CORO1C: variants seen among roughly 807,000 people sequenced by gnomAD.
CORO1C encodes coronin 1C, also known as coronin-1C.
Under a neutral mutation model 51.2 loss-of-function variants are expected in CORO1C, and 14 were observed. That is an observed-to-expected ratio of 0.27 (90% CI 0.18 to 0.43). The LOEUF (loss-of-function observed/expected upper bound fraction) is 0.43, where lower values mean the gene tolerates loss of function less well. CORO1C is among the 20% of genes least tolerant of loss of function. The pLI is 1.00. For synonymous variants in CORO1C, 181 were observed against 210.5 expected (o/e 0.86, Z 1.21); for missense variants, 417 against 607.8 (o/e 0.69, Z 3.30).
intron 1 of CORO1C, among the ~76,000 whole-genome samples, chr12:108,711,278 G>C (rs1156507127): frequency 6.6e-6 from 1 of 152,104 alleles, no homozygotes; most frequent in African/African-American, 2.4e-5. Context: ...GCTGAGGTGG[G>C]AGGACTGCTT....
At chr12:108,727,634 CT>C (rs886735394) in intron 1 of CORO1C, among the ~76,000 whole-genome samples, 5 of 152,166 alleles carry the variant, frequency 3.3e-5, no homozygotes, top group Non-Finnish European at 7.3e-5. Flanking sequence ...TAATTCAAAC[CT>C]TTCCCCAGTC....
chr12:108,729,918 A>G (rs1323858584), intron 1 of CORO1C, among the ~76,000 whole-genome samples: 1 of 152,238 alleles, frequency 6.6e-6, no homozygotes, highest in African/African-American at 2.4e-5. Flanking sequence ...ACGTTCTGCC[A>G]GATAAGGACA....
At chr12:108,659,305 A>G (rs1450389209) in intron 4 of CORO1C, among the ~76,000 whole-genome samples, 1 of 152,238 alleles carries the variant, frequency 6.6e-6, no homozygotes, top group Non-Finnish European at 1.5e-5. Context: ...CCTTTCTAGT[A>G]AAACAAGCAT....
intron 6 of CORO1C, among the ~76,000 whole-genome samples, chr12:108,655,552 G>C (rs1334915297): frequency 6.6e-6 from 1 of 152,192 alleles, no homozygotes; most frequent in African/African-American, 2.4e-5. Flanking sequence ...ACTGGTTTTC[G>C]TATTTTTTTG....
At chr12:108,695,317 T>A (rs1296238927) in intron 2 of CORO1C, among the ~76,000 whole-genome samples, 1 of 152,180 alleles carries the variant, frequency 6.6e-6, no homozygotes, top group Non-Finnish European at 1.5e-5. Flanking sequence ...CCATACCCTA[T>A]GGTTACACAG....
chr12:108,721,954 T>A (rs1343969743), intron 1 of CORO1C, among the ~76,000 whole-genome samples: 1 of 151,894 alleles, frequency 6.6e-6, no homozygotes, highest in Non-Finnish European at 1.5e-5. Context: ...TTGAAAAAAA[T>A]TTAGCAGAGT....
rs1429323870 is a variant in CORO1C, at chr12:108,648,941, G to A, written c.1059+22C>T. ...TTTACATTTGTTTAAAATATGGATTGTCTAGAAAACTCAGCACTCACCTTC... is the reference window on the plus strand; with the variant it reads ...TTTACATTTGTTTAAAATATGGATTATCTAGAAAACTCAGCACTCACCTTC... On this transcript the variant is annotated intron_variant, in intron 9 of 10. Coordinates refer to ENST00000261401, the MANE Select transcript of CORO1C (RefSeq NM_014325.4). 6 of 1,613,210 alleles carry A rather than the reference G, an allele frequency of 3.7e-6. No homozygotes were observed. In the African/African-American group the frequency reaches 8.0e-5, roughly 22 times the overall value.
chr12:108,721,767 T>C (rs896743864), intron 1 of CORO1C, among the ~76,000 whole-genome samples: 2 of 151,824 alleles, frequency 1.3e-5, no homozygotes, highest in African/African-American at 4.9e-5. Context: ...AATAGAAAAA[T>C]AGACAGGACG....
At chr12:108,699,026 C>T (rs1263847293) in intron 2 of CORO1C, among the ~76,000 whole-genome samples, 1 of 152,166 alleles carries the variant, frequency 6.6e-6, no homozygotes, top group Non-Finnish European at 1.5e-5. Context: ...AAAACAAACT[C>T]ATATTTAAGG....
At chr12:108,662,600 C>T (rs2033318775) in intron 3 of CORO1C, among the ~76,000 whole-genome samples, 1 of 152,018 alleles carries the variant, frequency 6.6e-6, no homozygotes, top group African/African-American at 2.4e-5. Flanking sequence ...AAGTTCAAAA[C>T]TCTCCAGTTA....
At chr12:108,651,504 A>G (rs1362957468) in intron 8 of CORO1C, among the ~76,000 whole-genome samples, 1 of 152,180 alleles carries the variant, frequency 6.6e-6, no homozygotes, top group African/African-American at 2.4e-5. Flanking sequence ...CCGCCCCATT[A>G]TAGGACCTTT....
intron 1 of CORO1C, among the ~76,000 whole-genome samples, chr12:108,721,563 T>C (rs951230293): frequency 2.6e-5 from 4 of 152,224 alleles, no homozygotes; most frequent in African/African-American, 9.7e-5. Flanking sequence ...CATAAGACTT[T>C]GTGAATACGA....
At chr12:108,684,796 C>T (rs1019300580) in intron 2 of CORO1C, among the ~76,000 whole-genome samples, 10 of 151,548 alleles carry the variant, frequency 6.6e-5, no homozygotes, top group African/African-American at 2.4e-4. Context: ...TTTGATACAT[C>T]TTATTTTGAA....
intron 2 of CORO1C, among the ~76,000 whole-genome samples, chr12:108,697,251 C>T (rs1399534528): frequency 6.6e-6 from 1 of 152,252 alleles, no homozygotes; most frequent in Admixed American, 6.5e-5. Flanking sequence ...CCAACGTGTA[C>T]ATATTCAGTA....
chr12:108,728,979 G>C (rs1404064126), intron 1 of CORO1C, among the ~76,000 whole-genome samples: 1 of 152,096 alleles, frequency 6.6e-6, no homozygotes, highest in Non-Finnish European at 1.5e-5. Flanking sequence ...CCCACCCCTG[G>C]AAAAGAGGTC....
At chr12:108,717,381 G>A (rs1433314022) in intron 1 of CORO1C, among the ~76,000 whole-genome samples, 1 of 152,184 alleles carries the variant, frequency 6.6e-6, no homozygotes, top group Non-Finnish European at 1.5e-5. Context: ...AGTCTTGGGA[G>A]CCATAGGAAA....
rs765047650 is a variant in CORO1C, at chr12:108,648,666, G to C, written c.1244C>G (p.Thr415Ser). Residue 415 changes from threonine (T) to serine (S), a missense_variant, in exon 10 of 11, where the codon ACT becomes AGT. Thr to Ser is a moderately conservative substitution (Grantham distance 58). Transcript: ENST00000261401. Reference sequence around the variant, plus strand: ...GATCAGGTCGCACTTCTTGTTTGCAGTGGGCTTGCTATCCAGAATGTTCTT... The same window carrying C: ...GATCAGGTCGCACTTCTTGTTTGCACTGGGCTTGCTATCCAGAATGTTCTT... ...VKKNILDSKP[T>S]ANKKCDLISI... is the part of the protein sequence containing the mutation. The C allele has an allele frequency of 1.2e-6, 2 of 1,614,086 alleles. No homozygotes were observed. The highest frequency in any genetic ancestry group is 2.7e-5 in the African/African-American group (2 of 74,936).
At chr12:108,659,913 C>T (rs1364154989) in intron 4 of CORO1C, among the ~76,000 whole-genome samples, 2 of 152,162 alleles carry the variant, frequency 1.3e-5, no homozygotes, top group Non-Finnish European at 1.5e-5. Context: ...TGAAAGAAGC[C>T]CACAATGTCA....
intron 2 of CORO1C, among the ~76,000 whole-genome samples, chr12:108,692,011 A>G (rs2034514337): frequency 6.6e-6 from 1 of 151,692 alleles, no homozygotes; most frequent in Non-Finnish European, 1.5e-5. Flanking sequence ...TCCCAGCAAA[A>G]CTGTGGATAA....
Sources: gnomAD v4.1 joint callset for allele counts (sites outside exome capture counted in the v4.1 genomes callset) on GRCh38, gnomAD v4.1.1 for gene constraint, MANE v1.5 for transcripts, NCBI Gene and HGNC (gene_info 2026-07-23, HGNC 2026-07-21) for gene names.